SDK1: variants seen among roughly 807,000 people sequenced by gnomAD.
SDK1 encodes the protein sidekick cell adhesion molecule 1, also known as protein sidekick-1.
SDK1 carries 157 observed loss-of-function variants against 245.5 expected under a neutral mutation model. That is an observed-to-expected ratio of 0.64 (90% CI 0.56 to 0.73). The LOEUF (loss-of-function observed/expected upper bound fraction) is 0.73, where lower values mean the gene tolerates loss of function less well. SDK1 is among the 30% of genes least tolerant of loss of function. The pLI is 0.00. For synonymous variants in SDK1, 1,647 were observed against 1,278.5 expected (o/e 1.29, Z -6.15); for missense variants, 3,583 against 3,002.3 (o/e 1.19, Z -4.52).
At chr7:3,407,389 C>T (rs1198722694) in intron 1 of SDK1, among the ~76,000 whole-genome samples, 3 of 152,190 alleles carry the variant, frequency 2.0e-5, no homozygotes, top group African/African-American at 7.2e-5. Flanking sequence ...CCAAGTGATA[C>T]TTCTGGTGAC....
intron 14 of SDK1, among the ~76,000 whole-genome samples, chr7:3,989,996 G>A (rs777836170): frequency 6.6e-6 from 1 of 152,244 alleles, no homozygotes; most frequent in African/African-American, 2.4e-5. Flanking sequence ...TGCTCATGAC[G>A]AGTGTCAGGC....
At chr7:4,143,132 C>T (rs1779694317) in intron 28 of SDK1, among the ~76,000 whole-genome samples, 2 of 152,156 alleles carry the variant, frequency 1.3e-5, no homozygotes, top group African/African-American at 2.4e-5. Flanking sequence ...AGGGGCTTGG[C>T]CATGTCTGTT....
intron 4 of SDK1, among the ~76,000 whole-genome samples, chr7:3,789,837 G>C (rs1032257247): frequency 5.3e-5 from 8 of 152,082 alleles, no homozygotes; most frequent in African/African-American, 1.9e-4. Flanking sequence ...CAGCGGAACG[G>C]GGACTGTTGC....
intron 8 of SDK1, 115 bp from the exon 9 acceptor site, chr7:3,962,542 A>G (rs1024887143): frequency 1.2e-5 from 11 of 936,176 alleles, no homozygotes; most frequent in Admixed American, 8.7e-5. Flanking sequence ...GAAAGCACGA[A>G]TACACAAGAA....
intron 4 of SDK1, among the ~76,000 whole-genome samples, chr7:3,661,342 A>C (rs34263851): frequency 0.26 from 39,037 of 152,222 alleles, 5,325 homozygotes; most frequent in South Asian, 0.31. Flanking sequence ...TTGTCTATGG[A>C]AATGCATGCA....
chr7:4,182,157 A>C (rs1584389881), intron 35 of SDK1, among the ~76,000 whole-genome samples: 1 of 152,130 alleles, frequency 6.6e-6, no homozygotes, highest in Non-Finnish European at 1.5e-5. Context: ...CTGACCTCAC[A>C]GTCTGCTCAC....
chr7:3,407,378 G>A (rs764469420), intron 1 of SDK1, among the ~76,000 whole-genome samples: 2 of 152,178 alleles, frequency 1.3e-5, no homozygotes, highest in Admixed American at 6.5e-5. Context: ...TTTGCATCCT[G>A]CCAAGTGATA....
intron 4 of SDK1, among the ~76,000 whole-genome samples, chr7:3,689,212 C>A (rs1257235118): frequency 1.3e-5 from 2 of 152,268 alleles, no homozygotes; most frequent in South Asian, 2.1e-4. Flanking sequence ...GTTATGATAA[C>A]CCTGCTTCTG....
intron 4 of SDK1, among the ~76,000 whole-genome samples, chr7:3,725,662 T>C (rs761978320): frequency 1.2e-4 from 19 of 152,118 alleles, no homozygotes; most frequent in Non-Finnish European, 2.5e-4. Context: ...GGAAAAATAA[T>C]CAAAGCATTC....
At chr7:3,353,062 C>G (rs552455957) in intron 1 of SDK1, among the ~76,000 whole-genome samples, 1 of 152,244 alleles carries the variant, frequency 6.6e-6, no homozygotes, top group East Asian at 1.9e-4. Context: ...TTTTAAAGTA[C>G]TTTTTCTATA....
chr7:4,074,722 G>T (rs1199336597), intron 20 of SDK1, among the ~76,000 whole-genome samples: 2 of 151,172 alleles, frequency 1.3e-5, no homozygotes, highest in Admixed American at 1.3e-4. Context: ...AACTTGCCAG[G>T]CATGGTGGCA....
chr7:3,973,207 C>T (rs1024719709), intron 12 of SDK1, among the ~76,000 whole-genome samples: 15 of 152,126 alleles, frequency 9.9e-5, no homozygotes, highest in Non-Finnish European at 1.3e-4. Flanking sequence ...TGCGATGCCC[C>T]GGCGTGAGCA....
At chr7:3,910,248 G>A (rs1200785208) in intron 5 of SDK1, among the ~76,000 whole-genome samples, 1 of 152,150 alleles carries the variant, frequency 6.6e-6, no homozygotes, top group Non-Finnish European at 1.5e-5. Flanking sequence ...TTCAAAGAGA[G>A]ACAAAACAAA....
intron 40 of SDK1, 88 bp downstream of exon 40, chr7:4,221,452 T>TTTCAGCATTTTCCCC (rs1158516921): frequency 6.9e-7 from 1 of 1,452,378 alleles, no homozygotes; most frequent in African/African-American, 1.4e-5. Context: ...TCACTTTCTC[T>TTTCAGCATTTTCCCC]TTCAGCATTT....
intron 5 of SDK1, among the ~76,000 whole-genome samples, chr7:3,919,241 G>C (rs1052380010): frequency 5.3e-5 from 8 of 152,168 alleles, no homozygotes; most frequent in Non-Finnish European, 8.8e-5. Flanking sequence ...CATAATGAGG[G>C]TATGTCAGTG....
chr7:4,205,768 A>T (rs6974896), intron 35 of SDK1, 111 bp from the exon 36 acceptor site: 5 of 867,264 alleles, frequency 5.8e-6, no homozygotes, highest in Non-Finnish European at 9.2e-6. Flanking sequence ...AATCTCTCAC[A>T]TGGTTCCCAG....
At chr7:4,083,730 C>T (rs1351754278) in intron 22 of SDK1, among the ~76,000 whole-genome samples, 3 of 1,312 alleles carry the variant, frequency 2.3e-3, no homozygotes, top group Non-Finnish European at 4.9e-3. Context: ...TCTTTACTTC[C>T]TCCATCCCTC....
chr7:4,155,662 G>C (rs1466285637), intron 30 of SDK1, among the ~76,000 whole-genome samples: 1 of 152,206 alleles, frequency 6.6e-6, no homozygotes, highest in African/African-American at 2.4e-5. Flanking sequence ...AACACCTACT[G>C]TGTGCCAGAT....
rs79944098 is a variant in SDK1, at chr7:3,387,944, T to G, written c.298+86060T>G. On this transcript the variant is annotated intron_variant, in intron 1 of 44. Coordinates refer to ENST00000404826, the MANE Select transcript of SDK1 (RefSeq NM_152744.4). ...TGTGCTACATAGAAGTTACATAATTTGCTATTAAGTGAGAGAACGAGATTC... is the reference window on the plus strand; with the variant it reads ...TGTGCTACATAGAAGTTACATAATTGGCTATTAAGTGAGAGAACGAGATTC... 1.7e-4 allele frequency among the ~76,000 whole-genome samples: 26 copies of G among 152,340 alleles called. No individual in the cohort carries two copies. The East Asian group carries it at 5.0e-3, about 29-fold the overall frequency.
Sources: allele counts gnomAD v4.1 joint callset (sites outside exome capture counted in the v4.1 genomes callset), GRCh38; gene constraint gnomAD v4.1.1; transcripts MANE v1.5; gene names NCBI Gene and HGNC (gene_info 2026-07-23, HGNC 2026-07-21).